The following THRA variants were observed in gnomAD, a reference collection of about 807,000 sequenced individuals.
THRA encodes thyroid hormone receptor alpha, also known as EAR-7.
In THRA, 13 loss-of-function variants were observed where a neutral mutation model predicts 45.0. The ratio of observed to expected loss-of-function variants is 0.29; its 90% CI spans 0.19 to 0.46. The LOEUF (loss-of-function observed/expected upper bound fraction) is 0.46, where lower values mean the gene tolerates loss of function less well. Ranked by LOEUF, THRA falls within the 20% of genes least tolerant of loss-of-function variation. The pLI, the probability that THRA is intolerant of heterozygous loss-of-function variation, is 1.00. For synonymous variants in THRA, 195 were observed against 214.0 expected (o/e 0.91, Z 0.78); for missense variants, 278 against 556.1 (o/e 0.50, Z 5.03).
At position 40,084,006 on chromosome 17, in the gene THRA, T is replaced by C. The variant is rs371327876; in HGVS notation, c.370+24T>C. ...CTGTAAGGGGCCCAGGTGGAGGGAA[T>C]AGAGCCAGGTGGCCTGGGGTGGGGA... On this transcript the variant is annotated intron_variant, in intron 5 of 8. Coordinates refer to ENST00000450525, the MANE Select transcript of THRA (RefSeq NM_199334.5). 5.7e-6 allele frequency: 9 copies of C among 1,591,454 alleles called. No homozygotes were observed. In the African/African-American group the frequency reaches 8.1e-5, roughly 14 times the overall value.
chr17:40,082,270 A>G (rs943332649), intron 4 of THRA, among the ~76,000 whole-genome samples: 1 of 143,876 alleles, frequency 7.0e-6, no homozygotes, highest in Non-Finnish European at 1.5e-5. Context: ...ACTAGAGTGC[A>G]ATGGCACAAT....
Position 40,076,949 on chromosome 17 carries a change from C to G in THRA, c.121+11C>G. The G allele has an allele frequency of 1.2e-6, 2 of 1,613,614 alleles. No individual in the cohort carries two copies. The highest frequency in any genetic ancestry group is 1.7e-6 in the Non-Finnish European group (2 of 1,179,680). On this transcript the variant is annotated intron_variant, in intron 3 of 8. Coordinates refer to ENST00000450525, the MANE Select transcript of THRA (RefSeq NM_199334.5). ...AAACCAGCATGTCAGGTGAGGCTGG[C>G]TGTGCGTGCCCCTTCTCCACGTCCC... is the stretch of plus-strand genomic sequence containing the variant.
Position 40,074,309 on chromosome 17 carries a change from G to GC in THRA, c.-174dup, listed in dbSNP as rs923514155. ...CACTCCCTGGCCCCTCCCACCGCCC[G>GC]CCCCCCTTGGGGCGCAGGGCATGGT... is the stretch of plus-strand genomic sequence containing the variant. On this transcript the variant is annotated 5_prime_UTR_variant, in exon 2 of 9. Coordinates refer to ENST00000450525, the MANE Select transcript of THRA (RefSeq NM_199334.5). 11 of 659,396 alleles carry GC rather than the reference G, an allele frequency of 1.7e-5. No individual in the cohort carries two copies. The highest frequency in any genetic ancestry group is 2.9e-5 in the Non-Finnish European group (11 of 383,946). 40.8% of individuals were successfully genotyped at this position (659,396 alleles called of 1,614,324 possible).
At chr17:40,093,345 T>A (rs1341526666), downstream of THRA, 1 of 1,612,460 alleles carries the variant, frequency 6.2e-7, no homozygotes, top group Admixed American at 1.7e-5. The surrounding 1 kb of genome is among the most constrained non-coding windows in gnomAD (Gnocchi z 5.9). Flanking sequence ...GAACCGGAGG[T>A]CTGCGAGGAC....
At chr17:40,076,844 G>T in intron 2 of THRA, 27 bp from the exon 3 acceptor site, 1 of 1,613,342 alleles carries the variant, frequency 6.2e-7, no homozygotes, top group African/African-American at 1.3e-5. Flanking sequence ...ACTGCTCTGT[G>T]ATTCTGCCCA....
chr17:40,084,602 G>T lies in THRA; in HGVS notation c.371-8G>T, dbSNP rs1286147098. The T allele has an allele frequency of 5.0e-6, 8 of 1,614,002 alleles. No individual in the cohort carries two copies. Among genetic ancestry groups the T allele is most frequent in the Non-Finnish European group, 6.8e-6 (8 of 1,179,948 alleles). ...CATGCGTTAGACCTTGTGCCTCTCT[G>T]TTCACAGTGGTTCTAGATGACTCGA... On this transcript the variant is annotated splice_polypyrimidine_tract_variant and splice_region_variant and intron_variant, in intron 5 of 8. Coordinates refer to ENST00000450525, the MANE Select transcript of THRA (RefSeq NM_199334.5).
chr17:40,077,408 G>A (rs1297469856), intron 3 of THRA, 100 bp from the exon 4 acceptor site: 2 of 1,008,960 alleles, frequency 2.0e-6, no homozygotes, highest in African/African-American at 1.6e-5. Flanking sequence ...CTAGGAGAGG[G>A]GTCAGAAACA....
rs1986587187 is a variant in THRA at position 40,066,713 on chromosome 17, T to TATCAAGC, written c.-298+3623_-298+3629dup. On this transcript the variant is annotated intron_variant, in intron 1 of 8. Transcript: ENST00000450525. ...AAACAAAAAAGAACAAGGCATTATC[T>TATCAAGC]ATCAAGCAGGTGATATACCATCACA... Among the ~76,000 whole-genome samples, 5 of 150,080 alleles carry TATCAAGC rather than the reference T, an allele frequency of 3.3e-5. No individual in the cohort carries two copies. In the South Asian group the frequency reaches 1.1e-3, roughly 32 times the overall value.
chr17:40,070,190 G>A (rs1219409787), intron 1 of THRA, among the ~76,000 whole-genome samples: 1 of 152,024 alleles, frequency 6.6e-6, no homozygotes, highest in Admixed American at 6.5e-5. Flanking sequence ...AGCTCACCAA[G>A]GGGTGCCGCC....
At position 40,086,609 on chromosome 17, in the gene THRA, C is replaced by T. The variant is rs1048993006; in HGVS notation, c.577-98C>T. The stretch of plus-strand genomic sequence containing the variant: ...GACTCAGGCACGGGCGGCCCCTCTT[C>T]CCCAAGCTGCCTTGGAGCTCCCCCT... On this transcript the variant is annotated intron_variant, in intron 6 of 8. Coordinates refer to ENST00000450525, the MANE Select transcript of THRA (RefSeq NM_199334.5). The T allele has an allele frequency of 3.3e-6, 5 of 1,497,866 alleles. No homozygotes were observed. The African/African-American group carries it at 5.6e-5, about 17-fold the overall frequency. The allele number at this position is 1,497,866 out of a possible 1,614,324, so 92.8% of individuals were successfully genotyped here.
chr17:40,084,044 G>A, intron 5 of THRA, 62 bp downstream of exon 5: 1 of 1,527,302 alleles, frequency 6.5e-7, no homozygotes, highest in Non-Finnish European at 8.8e-7. Context: ...AGTTCTGGGA[G>A]GGCAGCTTCC....
chr17:40,089,143 CA>C lies in THRA; in HGVS notation c.983-62del. 4.6e-6 allele frequency: 7 copies of C among 1,537,798 alleles called. No homozygotes were observed. The highest frequency in any genetic ancestry group is 6.2e-6 in the Non-Finnish European group (7 of 1,121,648). ...CCTTTCTTCCCACGTCCCCACACCT[CA>C]CCCTCCCCATCTCCAGGCCTTCGGC... On this transcript the variant is annotated intron_variant, in intron 8 of 8. Transcript: ENST00000450525. The surrounding 1 kb of genome is among the most constrained non-coding windows in gnomAD (Gnocchi z 6.1).
intron 1 of THRA, among the ~76,000 whole-genome samples, chr17:40,063,889 C>T (rs1476777323): frequency 6.8e-6 from 1 of 146,252 alleles, no homozygotes; most frequent in African/African-American, 2.5e-5. Flanking sequence ...ATGACAGGGG[C>T]AATTGAAAGA....
rs896522802 is a variant in THRA at position 40,092,527 on chromosome 17, G to C, written c.*3071G>C. On this transcript the variant is annotated 3_prime_UTR_variant, in exon 9 of 9. Transcript: ENST00000450525. ...TCTGTTATGTGCGATTTTTCACCCCGTTGTGTTTTGGGTCAGGATTTTAAA... is the reference window on the plus strand; with the variant it reads ...TCTGTTATGTGCGATTTTTCACCCCCTTGTGTTTTGGGTCAGGATTTTAAA... The C allele has an allele frequency of 6.4e-6, 1 of 155,190 alleles. No homozygotes were observed. The highest frequency in any genetic ancestry group is 1.4e-5 in the Non-Finnish European group (1 of 69,790). 9.6% of individuals were successfully genotyped at this position (155,190 alleles called of 1,614,324 possible). A position where few individuals can be genotyped will look rare whatever the true frequency, so the allele number is the denominator to read the frequency against.
intron 1 of THRA, among the ~76,000 whole-genome samples, chr17:40,073,146 G>T (rs1280187817): frequency 1.3e-5 from 2 of 152,210 alleles, no homozygotes; most frequent in African/African-American, 4.8e-5. Context: ...CTCCTATGCA[G>T]CAGCCACGTG....
chr17:40,087,163 CAG>C (rs1205878076), intron 7 of THRA, among the ~76,000 whole-genome samples: 2 of 150,088 alleles, frequency 1.3e-5, no homozygotes, highest in Non-Finnish European at 3.0e-5. Flanking sequence ...AACACACACA[CAG>C]ATACATAGAA....
intron 4 of THRA, among the ~76,000 whole-genome samples, chr17:40,081,652 T>A (rs1987140057): frequency 6.6e-6 from 1 of 152,012 alleles, no homozygotes; most frequent in African/African-American, 2.4e-5. Flanking sequence ...CATCTTGAGT[T>A]TTGAGGTGTT....
intron 5 of THRA, chr17:40,084,381 C>A: frequency 1.8e-6 from 1 of 568,290 alleles, no homozygotes; most frequent in East Asian, 3.0e-5. Context: ...ATCCGTTAGA[C>A]CAGAACATGA....
chr17:40,083,223 G>A (rs531124431), intron 4 of THRA, among the ~76,000 whole-genome samples: 4 of 152,098 alleles, frequency 2.6e-5, no homozygotes, highest in East Asian at 3.9e-4. Flanking sequence ...CACCGCGCCC[G>A]GCCTACGCCC....
Sources: gnomAD v4.1 joint callset for allele counts (sites outside exome capture counted in the v4.1 genomes callset) on GRCh38, gnomAD v4.1.1 for gene constraint, Gnocchi (gnomAD v3.1) non-coding constraint, MANE v1.5 for transcripts, NCBI Gene and HGNC (gene_info 2026-07-23, HGNC 2026-07-21) for gene names.